FARP1: variants seen among roughly 807,000 people sequenced by gnomAD.
FARP1 encodes FERM, ARH/RhoGEF and pleckstrin domain protein 1, also known as FERM, ARHGEF and pleckstrin domain-containing protein 1.
In FARP1, 52 loss-of-function variants were observed where a neutral mutation model predicts 128.8. The ratio of observed to expected loss-of-function variants is 0.40; its 90% CI spans 0.32 to 0.51. The LOEUF (loss-of-function observed/expected upper bound fraction) is 0.51. Ranked by LOEUF, FARP1 falls within the 20% of genes least tolerant of loss-of-function variation. FARP1 has a pLI of 0.45. For synonymous variants in FARP1, 580 were observed against 551.8 expected (o/e 1.05, Z -0.72); for missense variants, 1,333 against 1,367.9 (o/e 0.97, Z 0.40).
In FARP1 at chr13:98,410,657, A is replaced by G; in HGVS notation, c.1603-77A>G. The G allele has an allele frequency of 4.4e-6, 3 of 679,074 alleles. 1 individual carries two copies. Among genetic ancestry groups the G allele is most frequent in the Non-Finnish European group, 2.7e-6 (1 of 372,476 alleles). The allele number at this position is 679,074 out of a possible 1,614,324, so 42.1% of individuals were successfully genotyped here. A position where few individuals can be genotyped will look rare whatever the true frequency, so the allele number is the denominator to read the frequency against. On this transcript the variant is annotated intron_variant, in intron 14 of 26. Coordinates refer to ENST00000319562, the MANE Select transcript of FARP1 (RefSeq NM_005766.4). ...AAAGATCACAAGTTAGTAACATATC[A>G]CTTTAATGAGGACATTCTCCGAGAC...
At chr13:98,338,354 TTC>T (rs1324915015) in intron 2 of FARP1, among the ~76,000 whole-genome samples, 4 of 152,212 alleles carry the variant, frequency 2.6e-5, no homozygotes, top group African/African-American at 9.7e-5. Flanking sequence ...CCATTCTACT[TTC>T]TGTCTTTATG....
chr13:98,266,414 A>G (rs1884118252), intron 2 of FARP1, among the ~76,000 whole-genome samples: 1 of 152,120 alleles, frequency 6.6e-6, no homozygotes, highest in African/African-American at 2.4e-5. Context: ...AGGATTCACA[A>G]TAGTGACCTT....
At chr13:98,280,070 T>C (rs1329771454) in intron 2 of FARP1, among the ~76,000 whole-genome samples, 1 of 152,174 alleles carries the variant, frequency 6.6e-6, no homozygotes, top group Non-Finnish European at 1.5e-5. Context: ...CAGCCATGCA[T>C]GTCGCCTCCA....
At chr13:98,283,926 T>C (rs1234847507) in intron 2 of FARP1, among the ~76,000 whole-genome samples, 2 of 152,244 alleles carry the variant, frequency 1.3e-5, no homozygotes, top group Admixed American at 1.3e-4. Context: ...TTTAAATCTA[T>C]GCTGTGCAGT....
At chr13:98,280,793 C>T (rs928549142) in intron 2 of FARP1, among the ~76,000 whole-genome samples, 1 of 152,172 alleles carries the variant, frequency 6.6e-6, no homozygotes, top group Non-Finnish European at 1.5e-5. Context: ...TACAAAAGCA[C>T]GATCGTATTC....
intron 2 of FARP1, among the ~76,000 whole-genome samples, chr13:98,241,461 T>A (rs1882769132): frequency 6.6e-6 from 1 of 152,266 alleles, no homozygotes; most frequent in South Asian, 2.1e-4. Context: ...CCTGCACATC[T>A]GGACTAGAAT....
At chr13:98,257,184 A>T (rs1883657292) in intron 2 of FARP1, among the ~76,000 whole-genome samples, 1 of 151,946 alleles carries the variant, frequency 6.6e-6, no homozygotes, top group Non-Finnish European at 1.5e-5. Flanking sequence ...AATCAACTTA[A>T]CTCAAGCATT....
At chr13:98,439,404 G>A (rs1319967447) in intron 21 of FARP1, among the ~76,000 whole-genome samples, 2 of 152,240 alleles carry the variant, frequency 1.3e-5, no homozygotes, top group African/African-American at 2.4e-5. Context: ...GGCTTCTCTA[G>A]TGGGGCTCTG....
intron 1 of FARP1, among the ~76,000 whole-genome samples, chr13:98,174,389 G>T (rs554021081): frequency 1.3e-5 from 2 of 152,174 alleles, no homozygotes; most frequent in African/African-American, 4.8e-5. Context: ...AAAGAAACTC[G>T]AGTGAGCCTT....
intron 2 of FARP1, among the ~76,000 whole-genome samples, chr13:98,343,547 A>G (rs1459660649): frequency 6.6e-6 from 1 of 152,174 alleles, no homozygotes; most frequent in African/African-American, 2.4e-5. Flanking sequence ...GTGGGAAGAA[A>G]ATGCTAAGAG....
chr13:98,178,347 C>T (rs1566705991), intron 1 of FARP1, among the ~76,000 whole-genome samples: 2 of 152,038 alleles, frequency 1.3e-5, no homozygotes, highest in Non-Finnish European at 2.9e-5. Flanking sequence ...AGGTGTGTGC[C>T]ACCACACCCA....
At chr13:98,351,234 C>G (rs1443004807) in intron 3 of FARP1, among the ~76,000 whole-genome samples, 1 of 152,036 alleles carries the variant, frequency 6.6e-6, no homozygotes, top group South Asian at 2.1e-4. Context: ...AGCTGTTGGC[C>G]GTATCATACC....
chr13:98,350,090 G>A (rs2139902756), intron 3 of FARP1, among the ~76,000 whole-genome samples: 1 of 152,254 alleles, frequency 6.6e-6, no homozygotes, highest in Admixed American at 6.5e-5. Context: ...GCTGTGGGAA[G>A]CCAGCAGAGG....
At chr13:98,427,986 A>T (rs541838643) in intron 17 of FARP1, among the ~76,000 whole-genome samples, 2 of 152,268 alleles carry the variant, frequency 1.3e-5, no homozygotes, top group Admixed American at 1.3e-4. Context: ...CAGAAATGTG[A>T]GAAGCCCAGG....
At chr13:98,422,637 T>C (rs1891635350) in intron 16 of FARP1, among the ~76,000 whole-genome samples, 1 of 152,172 alleles carries the variant, frequency 6.6e-6, no homozygotes, top group Non-Finnish European at 1.5e-5. Flanking sequence ...ATGCTGTTGA[T>C]TGCCTGGAAT....
chr13:98,298,303 C>T (rs1199793435), intron 2 of FARP1, among the ~76,000 whole-genome samples: 1 of 152,210 alleles, frequency 6.6e-6, no homozygotes, highest in Non-Finnish European at 1.5e-5. Flanking sequence ...TGGGATCACA[C>T]ATCTCTACGT....
intron 6 of FARP1, among the ~76,000 whole-genome samples, chr13:98,379,780 T>G (rs985426730): frequency 3.3e-5 from 5 of 152,082 alleles, no homozygotes; most frequent in Admixed American, 2.0e-4. Flanking sequence ...CAGGGAATAA[T>G]GACAAGAAAA....
rs1888754872 is a variant in FARP1 at position 98,359,016 on chromosome 13, A to T, written c.277-6379A>T. Reference sequence around the variant, plus strand: ...TCTAGACACTGGATATTTTTCTATGACAAATATTTTCTTGGCTCCTATATG... The same window carrying T: ...TCTAGACACTGGATATTTTTCTATGTCAAATATTTTCTTGGCTCCTATATG... On this transcript the variant is annotated intron_variant, in intron 3 of 26. Coordinates refer to ENST00000319562, the MANE Select transcript of FARP1 (RefSeq NM_005766.4). Among the ~76,000 whole-genome samples, 5 of 152,168 alleles carry T rather than the reference A, an allele frequency of 3.3e-5. No homozygotes were observed. The South Asian group carries it at 1.0e-3, about 32-fold the overall frequency.
intron 4 of FARP1, among the ~76,000 whole-genome samples, chr13:98,365,918 T>TGTGTGTGTGTGTGTGTATGTG (rs1594449983): frequency 6.6e-6 from 1 of 151,672 alleles, no homozygotes; most frequent in African/African-American, 2.4e-5. Context: ...TGTGTGTGTG[T>TGTGTGTGTGTGTGTGTATGTG]TTCTGAGTAG....
Sources: allele counts gnomAD v4.1 joint callset (sites outside exome capture counted in the v4.1 genomes callset), GRCh38; gene constraint gnomAD v4.1.1; transcripts MANE v1.5; gene names NCBI Gene and HGNC (gene_info 2026-07-23, HGNC 2026-07-21).